The following HMCN2 variants were observed in gnomAD, a reference collection of about 807,000 sequenced individuals.
The protein encoded by HMCN2 is hemicentin 2.
Under a neutral mutation model 377.5 loss-of-function variants are expected in HMCN2, and 325 were observed. That is an observed-to-expected ratio of 0.86 (90% CI 0.79 to 0.94). The LOEUF (loss-of-function observed/expected upper bound fraction) is 0.94, where lower values mean the gene tolerates loss of function less well. HMCN2 is among the 40% of genes least tolerant of loss of function. The pLI, the probability that HMCN2 is intolerant of heterozygous loss-of-function variation, is 0.00. For missense variants in HMCN2, 4,543 were observed against 4,725.3 expected, an observed-to-expected ratio of 0.96 and a Z score of 1.13; for synonymous variants, 2,007 against 2,046.8, an observed-to-expected ratio of 0.98 and a Z score of 0.53.
intron 1 of HMCN2, among the ~76,000 whole-genome samples, chr9:130,269,205 T>C (rs1300290049): frequency 6.8e-6 from 1 of 147,412 alleles, no homozygotes; most frequent in Non-Finnish European, 1.5e-5. Flanking sequence ...AATTAAAAAT[T>C]GTATGTTCCC....
At chr9:130,273,669 C>T (rs1554921972) in intron 1 of HMCN2, among the ~76,000 whole-genome samples, 2 of 152,030 alleles carry the variant, frequency 1.3e-5, no homozygotes, top group African/African-American at 4.8e-5. Context: ...AGCTAATTTT[C>T]GTATCTTTAG....
intron 79 of HMCN2, 87 bp downstream of exon 79, chr9:130,403,415 A>G: frequency 1.6e-6 from 2 of 1,238,966 alleles, no homozygotes; most frequent in Non-Finnish European, 2.1e-6. Context: ...GCCCTGGGAG[A>G]CCCCGCAGAC....
At chr9:130,317,944 T>G (rs1210607676) in intron 15 of HMCN2, among the ~76,000 whole-genome samples, 1 of 152,062 alleles carries the variant, frequency 6.6e-6, no homozygotes, top group Non-Finnish European at 1.5e-5. Flanking sequence ...GCGGCTGGGC[T>G]GGGTGCAGCT....
chr9:130,305,084 C>T (rs1036992333), intron 11 of HMCN2, 82 bp downstream of exon 11: 6 of 421,490 alleles, frequency 1.4e-5, no homozygotes, highest in South Asian at 8.8e-5. Flanking sequence ...GTCCTTCCCT[C>T]TGCTCAGACA....
chr9:130,318,779 C>G (rs1160577231), intron 15 of HMCN2, among the ~76,000 whole-genome samples: 2 of 152,190 alleles, frequency 1.3e-5, no homozygotes, highest in Non-Finnish European at 2.9e-5. Flanking sequence ...AGTTCAGACC[C>G]TAATGTATAA....
At chr9:130,421,995 CT>C (rs972879340) in intron 86 of HMCN2, among the ~76,000 whole-genome samples, 1 of 152,272 alleles carries the variant, frequency 6.6e-6, no homozygotes, top group Non-Finnish European at 1.5e-5. Context: ...AAGCACCCCC[CT>C]GTGCCTGCAT....
chr9:130,382,707 G>A lies in HMCN2; in HGVS notation c.8574G>A (p.Glu2858=). ...LTPPVILGDT[E]ELVEEVTVNA... ...CACCTGTGATCCTGGGTGACACAGA[G>A]GAGCTGGTGGAAGAGGTGACAGTCA... Residue 2858 remains glutamate, a synonymous_variant, in exon 56 of 98, where the codon GAG becomes GAA. Transcript: ENST00000683500. 1.0e-6 allele frequency: 1 copy of A among 985,682 alleles called. No homozygotes were observed. Among genetic ancestry groups the A allele is most frequent in the Non-Finnish European group, 1.2e-6 (1 of 829,928 alleles). The allele number at this position is 985,682 out of a possible 1,614,324, so 61.1% of individuals were successfully genotyped here. A position where few individuals can be genotyped will look rare whatever the true frequency, so the allele number is the denominator to read the frequency against.
chr9:130,316,724 G>A (rs1204150940), intron 15 of HMCN2, among the ~76,000 whole-genome samples: 1 of 152,226 alleles, frequency 6.6e-6, no homozygotes, highest in Non-Finnish European at 1.5e-5. Context: ...AGCCACGGTG[G>A]CCATGGAACC....
At position 130,339,381 on chromosome 9, in the gene HMCN2, G is replaced by A. The variant is rs989476317; in HGVS notation, c.3487+1360G>A. Among the ~76,000 whole-genome samples the A allele has an allele frequency of 3.7e-3, 560 of 152,244 alleles. 6 individuals carry two copies. Among genetic ancestry groups the A allele is most frequent in the African/African-American group, 0.012 (515 of 41,544 alleles). The stretch of plus-strand genomic sequence containing the variant: ...CTTTACGGAAAAAATGTGCTGCCCC[G>A]GATCTAAGCTCACACCCCATTTTAC... On this transcript the variant is annotated intron_variant, in intron 23 of 97. Coordinates refer to ENST00000683500, the MANE Select transcript of HMCN2 (RefSeq NM_001291815.2).
In HMCN2 at chr9:130,425,922, CG is replaced by C; in HGVS notation, c.13879+1del. 1 of 1,545,070 alleles carries C rather than the reference CG, an allele frequency of 6.5e-7. No homozygotes were observed. Among genetic ancestry groups the C allele is most frequent in the Non-Finnish European group, 8.7e-7 (1 of 1,145,030 alleles). On this transcript the variant is annotated frameshift_variant and splice_region_variant, in exon 90 of 98. Coordinates refer to ENST00000683500, the MANE Select transcript of HMCN2 (RefSeq NM_001291815.2). LOFTEE classifies it high-confidence loss of function. ...TTCCAGCTCGCTACAGCCCTGCAGG[CG>C]GGTGAGGCCCCTCTGCTTTGTTCCA... ...LRFQLATALQ[A>X]EENEVGCPEG...
intron 54 of HMCN2, among the ~76,000 whole-genome samples, chr9:130,381,943 G>A (rs1841743282): frequency 1.3e-5 from 2 of 152,164 alleles, no homozygotes; most frequent in Non-Finnish European, 2.9e-5. Flanking sequence ...CCCCACAGAG[G>A]CACTGTGGGA....
At chr9:130,400,662 ACC>A in intron 76 of HMCN2, 119 bp from the exon 77 acceptor site, 3 of 554,578 alleles carry the variant, frequency 5.4e-6, no homozygotes, top group Non-Finnish European at 5.1e-6. Context: ...CTCTGTTGCC[ACC>A]TCCCTCCTTG....
intron 48 of HMCN2, among the ~76,000 whole-genome samples, chr9:130,373,797 A>G (rs1300122648): frequency 6.7e-6 from 1 of 150,030 alleles, no homozygotes; most frequent in African/African-American, 2.5e-5. Context: ...GGATGGATAG[A>G]TGGATAGGTA....
At chr9:130,340,859 G>A (rs1446168156) in intron 23 of HMCN2, among the ~76,000 whole-genome samples, 2 of 152,216 alleles carry the variant, frequency 1.3e-5, no homozygotes. Context: ...CATTGGCGAG[G>A]GCAGAGGGAT....
chr9:130,381,720 C>G (rs896470026), intron 54 of HMCN2, among the ~76,000 whole-genome samples: 2 of 152,088 alleles, frequency 1.3e-5, no homozygotes, highest in Non-Finnish European at 2.9e-5. Flanking sequence ...CGATGCCTCC[C>G]CAGCCCCTAC....
At position 130,425,672 on chromosome 9, in the gene HMCN2, C is replaced by T; in HGVS notation, c.13642-15C>T. ...CCCCACCCCTCCTCCTCCTCCCCTC[C>T]TCTTCATCCTGCAGGACTTTGAGGA... is the stretch of plus-strand genomic sequence containing the variant. On this transcript the variant is annotated splice_polypyrimidine_tract_variant and intron_variant, in intron 89 of 97. Transcript: ENST00000683500. 6.6e-7 allele frequency: 1 copy of T among 1,526,384 alleles called. No individual in the cohort carries two copies. The highest frequency in any genetic ancestry group is 1.2e-5 in the South Asian group (1 of 83,508). The allele number at this position is 1,526,384 out of a possible 1,614,324, so 94.6% of individuals were successfully genotyped here. A position where few individuals can be genotyped will look rare whatever the true frequency, so the allele number is the denominator to read the frequency against.
chr9:130,417,418 A>G (rs1843751981), intron 85 of HMCN2, among the ~76,000 whole-genome samples: 1 of 148,864 alleles, frequency 6.7e-6, no homozygotes, highest in Non-Finnish European at 1.5e-5. Context: ...GCTACTCAGG[A>G]GGCTGAGGCA....
intron 22 of HMCN2, among the ~76,000 whole-genome samples, chr9:130,331,565 C>A (rs1838428961): frequency 6.6e-6 from 1 of 151,492 alleles, no homozygotes. Context: ...CCCATCCCAG[C>A]TTCACCCCAG....
rs1241209107 is a variant in HMCN2, at chr9:130,360,567, A to T, written c.5913A>T (p.Ala1971=). The T allele has an allele frequency of 7.7e-7, 1 of 1,303,988 alleles. No individual in the cohort carries two copies. Among genetic ancestry groups the T allele is most frequent in the Admixed American group, 2.3e-5 (1 of 43,514 alleles). 80.8% of individuals were successfully genotyped at this position (1,303,988 alleles called of 1,614,324 possible). A position where few individuals can be genotyped will look rare whatever the true frequency, so the allele number is the denominator to read the frequency against. ...GSYRCVASNV[A]GSTELRYGLR... is the part of the protein sequence containing the mutation. Reference sequence around the variant, plus strand: ...ACCGCTGTGTGGCATCCAATGTGGCAGGTAGCACAGAGCTGCGGTATGGCC... The same window carrying T: ...ACCGCTGTGTGGCATCCAATGTGGCTGGTAGCACAGAGCTGCGGTATGGCC... The change falls in exon 38 of 98, where the codon GCA becomes GCT. Residue 1971 remains alanine (A), a synonymous_variant. Transcript: ENST00000683500. This position sits in a 1 kb window ranked among gnomAD's most constrained non-coding sequence, Gnocchi z 4.7.
Sources: allele counts gnomAD v4.1 joint callset (sites outside exome capture counted in the v4.1 genomes callset), GRCh38; gene constraint gnomAD v4.1.1; non-coding constraint Gnocchi (gnomAD v3.1); transcripts MANE v1.5; gene names NCBI Gene and HGNC (gene_info 2026-07-23, HGNC 2026-07-21).